Variants in LAMP3 observed in about 807,000 individuals in gnomAD.
The protein encoded by LAMP3 is lysosome-associated membrane glycoprotein 3.
A neutral mutation model predicts 34.8 loss-of-function variants in LAMP3; 26 were observed. The ratio of observed to expected loss-of-function variants is 0.75; its 90% CI spans 0.55 to 1.04. The LOEUF is 1.04. Among genes scored for constraint, LAMP3 ranks in the 50% least tolerant of loss-of-function variants. LAMP3 has a pLI of 0.00. For missense variants in LAMP3, 495 were observed against 524.0 expected, an observed-to-expected ratio of 0.94 and a Z score of 0.54; for synonymous variants, 180 against 201.9, an observed-to-expected ratio of 0.89 and a Z score of 0.92.
chr3:183,134,504 C>T (rs764584403), intron 5 of LAMP3, among the ~76,000 whole-genome samples: 5 of 152,074 alleles, frequency 3.3e-5, no homozygotes, highest in Non-Finnish European at 5.9e-5. Flanking sequence ...TAAGATCACA[C>T]GATTACAGAA....
intron 1 of LAMP3, among the ~76,000 whole-genome samples, chr3:183,159,118 C>T (rs191589615): frequency 6.6e-6 from 1 of 152,136 alleles, no homozygotes; most frequent in African/African-American, 2.4e-5. Flanking sequence ...GTTTCAAACT[C>T]CTAGGATTAA....
chr3:183,149,544 C>CAAAAA (rs1177679833), intron 3 of LAMP3, among the ~76,000 whole-genome samples: 7 of 93,412 alleles, frequency 7.5e-5, no homozygotes, highest in East Asian at 3.2e-4. Context: ...GACTCCAACT[C>CAAAAA]AAAAAAAAAA....
chr3:183,140,859 A>G (rs574192146), intron 3 of LAMP3, among the ~76,000 whole-genome samples: 4 of 152,230 alleles, frequency 2.6e-5, no homozygotes, highest in Non-Finnish European at 5.9e-5. Context: ...AAATTCCACC[A>G]GTACAATTTG....
chr3:183,139,099 T>C (rs908567599), intron 4 of LAMP3, among the ~76,000 whole-genome samples: 2 of 152,234 alleles, frequency 1.3e-5, no homozygotes, highest in Admixed American at 6.5e-5. Flanking sequence ...ATAGAATTTA[T>C]CACTACTGGG....
chr3:183,143,034 T>G (rs1353430606), intron 3 of LAMP3, among the ~76,000 whole-genome samples: 3 of 151,982 alleles, frequency 2.0e-5, no homozygotes, highest in African/African-American at 4.8e-5. Context: ...CAGGACAGAG[T>G]CTGGAAGCTG....
In LAMP3 at chr3:183,152,402, G is replaced by A. The variant is rs369565285; in HGVS notation, c.861C>T (p.Gly287=). 90 of 1,611,964 alleles carry A rather than the reference G, an allele frequency of 5.6e-5. No homozygotes were observed. The South Asian group carries it at 6.3e-4, about 11-fold the overall frequency. The change falls in exon 3 of 6, where the codon GGC becomes GGT. Residue 287 remains glycine (G), a synonymous_variant. Coordinates refer to ENST00000265598, the MANE Select transcript of LAMP3 (RefSeq NM_014398.4). ...RKSNLLLNFQ[G]GFVNLTFTKD... ...TGGTAAATGTGAGATTCACAAATCC[G>A]CCCTGAAAATTCAACAGAAGGTTGG...
chr3:183,146,717 A>G (rs1194832614), intron 3 of LAMP3, among the ~76,000 whole-genome samples: 1 of 151,734 alleles, frequency 6.6e-6, no homozygotes, highest in Non-Finnish European at 1.5e-5. Context: ...TAGTAGAGAC[A>G]GGGTCTTGCC....
At chr3:183,161,848 G>A (rs996954851) in intron 1 of LAMP3, 2 of 470,422 alleles carry the variant, frequency 4.3e-6, no homozygotes, top group African/African-American at 4.2e-5. Flanking sequence ...AAAAGAACCT[G>A]AAACTGTAAG....
At chr3:183,154,537 G>T in intron 1 of LAMP3, 146 bp from the exon 2 acceptor site, 1 of 639,246 alleles carries the variant, frequency 1.6e-6, no homozygotes, top group Non-Finnish European at 2.7e-6. Context: ...GTACAACAAT[G>T]AAGCAAACAT....
At chr3:183,137,243 C>T (rs1009951466) in intron 4 of LAMP3, among the ~76,000 whole-genome samples, 1 of 152,040 alleles carries the variant, frequency 6.6e-6, no homozygotes, top group East Asian at 1.9e-4. Context: ...CTCTTGAATC[C>T]GAGGGGTGGA....
chr3:183,153,823 T>C lies in LAMP3; in HGVS notation c.618A>G (p.Ala206=), dbSNP rs201353315. The change falls in exon 2 of 6, where the codon GCA becomes GCG. Residue 206 remains alanine, a synonymous_variant. Transcript: ENST00000265598. ...TGGGCCCAGGAACCGTGGAGGCAGG[T>C]GCAGCTGTGCGGGTGGTATTGTGGG... ...AAAHNTTRTA[A]PASTVPGPTL... is the part of the protein sequence containing the mutation. 5 of 1,600,810 alleles carry C rather than the reference T, an allele frequency of 3.1e-6. No homozygotes were observed. The African/African-American group carries it at 6.7e-5, about 21-fold the overall frequency.
chr3:183,130,840 TC>T (rs1266812029), intron 5 of LAMP3, among the ~76,000 whole-genome samples: 21 of 152,152 alleles, frequency 1.4e-4, no homozygotes, highest in Non-Finnish European at 2.8e-4. Flanking sequence ...AGCAACCCAC[TC>T]TTTTTTTTTT....
At chr3:183,126,983 A>G (rs1719794657) in intron 5 of LAMP3, among the ~76,000 whole-genome samples, 2 of 152,232 alleles carry the variant, frequency 1.3e-5, no homozygotes, top group South Asian at 2.1e-4. Context: ...ATTATGAAGT[A>G]TGCATTAAAC....
intron 5 of LAMP3, among the ~76,000 whole-genome samples, chr3:183,131,009 G>A (rs2108596054): frequency 6.6e-6 from 1 of 152,318 alleles, no homozygotes; most frequent in East Asian, 1.9e-4. Flanking sequence ...AGGACTGTGA[G>A]TAAATTACAC....
intron 5 of LAMP3, among the ~76,000 whole-genome samples, chr3:183,131,745 C>A (rs557106996): frequency 6.6e-6 from 1 of 152,234 alleles, no homozygotes; most frequent in South Asian, 2.1e-4. Context: ...TAATGAATGG[C>A]ACCTCTGGAA....
chr3:183,155,741 G>A (rs952801115), intron 1 of LAMP3, among the ~76,000 whole-genome samples: 11 of 152,372 alleles, frequency 7.2e-5, no homozygotes, highest in Admixed American at 3.9e-4. Context: ...AGAGCACCGT[G>A]AAGGTGGAAA....
At chr3:183,143,980 A>C (rs2108604544) in intron 3 of LAMP3, among the ~76,000 whole-genome samples, 1 of 152,016 alleles carries the variant, frequency 6.6e-6, no homozygotes. Context: ...AGCCCAATTC[A>C]TCCTGCCCAG....
chr3:183,152,628 G>T, intron 2 of LAMP3, 125 bp from the exon 3 acceptor site: 1 of 804,380 alleles, frequency 1.2e-6, no homozygotes, highest in Non-Finnish European at 1.9e-6. Context: ...GAACTGCAAA[G>T]TCCCCAGACA....
intron 3 of LAMP3, among the ~76,000 whole-genome samples, chr3:183,143,847 A>G (rs1313898998): frequency 6.6e-6 from 1 of 152,204 alleles, no homozygotes; most frequent in Non-Finnish European, 1.5e-5. Context: ...TTTTTCCAGA[A>G]ATATTTTAGG....
Sources: gnomAD v4.1 joint callset for allele counts (sites outside exome capture counted in the v4.1 genomes callset) on GRCh38, gnomAD v4.1.1 for gene constraint, MANE v1.5 for transcripts, NCBI Gene and HGNC (gene_info 2026-07-23, HGNC 2026-07-21) for gene names.